The following MLIP variants were observed in gnomAD, a reference collection of about 807,000 sequenced individuals.
MLIP encodes the protein muscular LMNA interacting protein.
In MLIP, 79 loss-of-function variants were observed where a neutral mutation model predicts 84.8. That is an observed-to-expected ratio of 0.93 (90% CI 0.78 to 1.12). MLIP has a LOEUF of 1.12. Ranked by LOEUF, MLIP falls within the 50% of genes most tolerant of loss-of-function variation. MLIP has a pLI of 0.00. For missense variants in MLIP, 1,257 were observed against 1,160.6 expected (o/e 1.08, Z -1.21); for synonymous variants, 504 against 463.0 (o/e 1.09, Z -1.14).
At chr6:54,174,516 T>C (rs1270825135) in intron 9 of MLIP, among the ~76,000 whole-genome samples, 1 of 152,098 alleles carries the variant, frequency 6.6e-6, no homozygotes, top group African/African-American at 2.4e-5. Flanking sequence ...TGAGCATCTT[T>C]TCATATGCTT....
At chr6:54,048,232 T>C (rs1765179139) in intron 1 of MLIP, among the ~76,000 whole-genome samples, 1 of 152,156 alleles carries the variant, frequency 6.6e-6, no homozygotes, top group Non-Finnish European at 1.5e-5. Flanking sequence ...CAGGTTCTAC[T>C]TTGAGGCTAG....
At chr6:54,148,968 T>C in intron 4 of MLIP, 88 bp from the exon 5 acceptor site, 2 of 1,048,868 alleles carry the variant, frequency 1.9e-6, no homozygotes, top group South Asian at 2.7e-5. Context: ...TGATAACGTA[T>C]CATTTAACTT....
Position 54,247,670 on chromosome 6 carries a change from G to A in MLIP, c.2923-9638G>A, listed in dbSNP as rs370104517. Among the ~76,000 whole-genome samples, 7 of 152,252 alleles carry A rather than the reference G, an allele frequency of 4.6e-5. No homozygotes were observed. In the East Asian group the frequency reaches 1.4e-3, roughly 29 times the overall value. ...AATGGAGGAATGTGGCCCAATGCCA[G>A]GAAGATGGGTCTGGCAGGCACCATA... On this transcript the variant is annotated intron_variant, in intron 12 of 13. Coordinates refer to ENST00000502396, the MANE Select transcript of MLIP (RefSeq NM_001281747.2).
intron 3 of MLIP, among the ~76,000 whole-genome samples, chr6:54,129,966 G>C (rs1247303392): frequency 6.6e-6 from 1 of 152,096 alleles, no homozygotes; most frequent in Non-Finnish European, 1.5e-5. Flanking sequence ...CTGACCAAGT[G>C]ATTTTTTTTT....
chr6:54,141,051 G>A (rs1347953270), intron 4 of MLIP, among the ~76,000 whole-genome samples: 2 of 152,082 alleles, frequency 1.3e-5, no homozygotes, highest in Non-Finnish European at 2.9e-5. Context: ...AGTGCTTGGA[G>A]GATATTAGTT....
chr6:54,247,970 C>A (rs1782201951), intron 12 of MLIP, among the ~76,000 whole-genome samples: 1 of 152,076 alleles, frequency 6.6e-6, no homozygotes, highest in Non-Finnish European at 1.5e-5. Flanking sequence ...GTTGATATTA[C>A]ACCTGGGATC....
At chr6:54,056,575 T>A (rs1765674334) in intron 1 of MLIP, among the ~76,000 whole-genome samples, 1 of 152,204 alleles carries the variant, frequency 6.6e-6, no homozygotes, top group Admixed American at 6.5e-5. Flanking sequence ...AATACTTTTA[T>A]ATTTTCGTGT....
intron 5 of MLIP, 60 bp downstream of exon 5, chr6:54,149,187 T>C (rs1773182764): frequency 2.1e-6 from 3 of 1,441,302 alleles, no homozygotes; most frequent in South Asian, 2.4e-5. Flanking sequence ...TAAAATGTTT[T>C]CTAAAATTTC....
chr6:54,121,840 A>G (rs1332390299), intron 2 of MLIP, among the ~76,000 whole-genome samples: 1 of 152,178 alleles, frequency 6.6e-6, no homozygotes. Context: ...TGACATGACA[A>G]ATTCTGCCTC....
At chr6:54,246,612 A>G (rs1782102311) in intron 12 of MLIP, among the ~76,000 whole-genome samples, 1 of 152,082 alleles carries the variant, frequency 6.6e-6, no homozygotes, top group African/African-American at 2.4e-5. Flanking sequence ...ATCTCGCTAC[A>G]TAACCTTAAT....
rs146647756 is a variant in MLIP, at chr6:54,254,043, A to G, written c.2923-3265A>G. Among the ~76,000 whole-genome samples the G allele has an allele frequency of 5.5e-4, 83 of 150,648 alleles. 1 individual carries two copies. The East Asian group carries it at 7.8e-3, about 14-fold the overall frequency. On this transcript the variant is annotated intron_variant, in intron 12 of 13. Transcript: ENST00000502396. ...CACAGTGTTTACCATCAAGTATGCC[A>G]GCTTGGATGACTCTCTCTGTCCTGT...
chr6:54,202,027 A>C, intron 10 of MLIP, 78 bp from the exon 11 acceptor site: 1 of 1,051,466 alleles, frequency 9.5e-7, no homozygotes, highest in Non-Finnish European at 1.3e-6. Context: ...GCATTGAATG[A>C]CTTAACAATA....
At position 54,111,508 on chromosome 6, in the gene MLIP, A is replaced by T. The variant is rs531136199; in HGVS notation, c.29A>T (p.Asp10Val). 1.3e-6 allele frequency: 2 copies of T among 1,536,056 alleles called. No individual in the cohort carries two copies. Among genetic ancestry groups the T allele is most frequent in the Non-Finnish European group, 1.7e-6 (2 of 1,146,870 alleles). ...CTTTCAGAACAGGGGCTTCTGAGTG[A>T]CTGCGGGAACAATTACTTCCAAATG... MLSEQGLLS[D>V]CGNNYFQMTS... is the part of the protein sequence containing the mutation. Residue 10 changes from aspartate to valine, a missense_variant, in exon 1 of 14, where the codon GAC becomes GTC. Physicochemically the swap from Asp to Val is radical, Grantham distance 152. Transcript: ENST00000502396.
chr6:54,137,164 A>T lies in MLIP; in HGVS notation c.1095A>T (p.Pro365=). Residue 365 remains proline, a synonymous_variant, in exon 4 of 14, where the codon CCA becomes CCT. Transcript: ENST00000502396. ...SLKSNSASYI[P]VRIVTHSLSP... The stretch of plus-strand genomic sequence containing the variant: ...AGTCGAATTCGGCCTCGTACATACC[A>T]GTCCGCATTGTCACGCATTCACTCT... The T allele has an allele frequency of 6.5e-7, 1 of 1,536,054 alleles. No homozygotes were observed. The highest frequency in any genetic ancestry group is 8.7e-7 in the Non-Finnish European group (1 of 1,146,868).
intron 1 of MLIP, among the ~76,000 whole-genome samples, chr6:54,040,522 T>TA (rs1264086170): frequency 6.6e-6 from 1 of 152,002 alleles, no homozygotes; most frequent in African/African-American, 2.4e-5. Flanking sequence ...TCTCCAAACT[T>TA]AAAACAGAAC....
At chr6:54,039,287 A>G (rs1764613558) in intron 1 of MLIP, among the ~76,000 whole-genome samples, 1 of 151,986 alleles carries the variant, frequency 6.6e-6, no homozygotes, top group Non-Finnish European at 1.5e-5. Flanking sequence ...TGAACTTTAA[A>G]TCATTCTTCT....
chr6:54,211,106 G>A lies in MLIP; in HGVS notation c.2718+8873G>A, dbSNP rs1449719918. Among the ~76,000 whole-genome samples, 3 of 152,130 alleles carry A rather than the reference G, an allele frequency of 2.0e-5. No individual in the cohort carries two copies. The East Asian group carries it at 5.8e-4, about 29-fold the overall frequency. ...ATACAAAAAATTAGCTGGGCGTGGT[G>A]GCGGGTGCCTATAATCCCAGCTACT... On this transcript the variant is annotated intron_variant, in intron 11 of 13. Coordinates refer to ENST00000502396, the MANE Select transcript of MLIP (RefSeq NM_001281747.2).
At chr6:54,073,213 A>G (rs1433389864) in intron 1 of MLIP, among the ~76,000 whole-genome samples, 4 of 152,198 alleles carry the variant, frequency 2.6e-5, no homozygotes, top group Admixed American at 1.3e-4. Flanking sequence ...TGCAGTTGCA[A>G]GCTGATCCTT....
At chr6:54,235,454 A>G (rs1781299513) in intron 12 of MLIP, among the ~76,000 whole-genome samples, 3 of 152,006 alleles carry the variant, frequency 2.0e-5, no homozygotes, top group Non-Finnish European at 4.4e-5. Context: ...TTCAATTTCT[A>G]TACTCTTTTC....
Sources: allele counts gnomAD v4.1 joint callset (sites outside exome capture counted in the v4.1 genomes callset), GRCh38; gene constraint gnomAD v4.1.1; transcripts MANE v1.5; gene names NCBI Gene and HGNC (gene_info 2026-07-23, HGNC 2026-07-21).